Variants in ARL15 observed in about 807,000 individuals in gnomAD.
ARL15 encodes the protein ARF like GTPase 15.
ARL15 carries 19 observed loss-of-function variants against 25.2 expected under a neutral mutation model. The observed-to-expected ratio is 0.75, with a 90% CI of 0.53 to 1.10. ARL15 has a LOEUF of 1.10. ARL15 is among the 50% of genes least tolerant of loss of function. ARL15 has a pLI of 0.00. For missense variants in ARL15, 220 were observed against 246.0 expected (o/e 0.89, Z 0.71); for synonymous variants, 94 against 86.8 (o/e 1.08, Z -0.46).
chr5:54,240,764 G>A (rs564848804), intron 1 of ARL15, among the ~76,000 whole-genome samples: 3 of 152,198 alleles, frequency 2.0e-5, no homozygotes, highest in South Asian at 4.1e-4. Flanking sequence ...ACAAAGCTCC[G>A]AAATCCACAA....
chr5:53,907,476 ATATATATATATATTT>A (rs1745288427), intron 4 of ARL15, among the ~76,000 whole-genome samples: 1 of 25,130 alleles, frequency 4.0e-5, no homozygotes, highest in Non-Finnish European at 7.6e-5. Flanking sequence ...ATATATATAT[ATATATATATATATTT>A]TTTTTTTTTT....
chr5:54,135,761 G>T (rs1753583752), intron 3 of ARL15, among the ~76,000 whole-genome samples: 1 of 152,204 alleles, frequency 6.6e-6, no homozygotes, highest in South Asian at 2.1e-4. Context: ...CCTATTTGGT[G>T]TAACAGGTTT....
intron 4 of ARL15, among the ~76,000 whole-genome samples, chr5:54,010,070 C>T (rs897095220): frequency 1.3e-5 from 2 of 152,114 alleles, no homozygotes; most frequent in African/African-American, 2.4e-5. Context: ...TGTTTTGAAG[C>T]GATTTGCATT....
At chr5:54,268,758 A>G (rs1362646814) in intron 1 of ARL15, among the ~76,000 whole-genome samples, 1 of 152,216 alleles carries the variant, frequency 6.6e-6, no homozygotes, top group East Asian at 1.9e-4. Flanking sequence ...GCTGCTATAA[A>G]GACACATGCA....
At chr5:54,033,664 T>G (rs1221491756) in intron 4 of ARL15, among the ~76,000 whole-genome samples, 1 of 150,298 alleles carries the variant, frequency 6.7e-6, no homozygotes, top group Admixed American at 6.6e-5. Context: ...AGAGCGAGAA[T>G]TCCATCTCAA....
intron 4 of ARL15, among the ~76,000 whole-genome samples, chr5:54,048,696 G>A (rs937297169): frequency 6.6e-6 from 1 of 151,360 alleles, no homozygotes; most frequent in East Asian, 1.9e-4. Flanking sequence ...GAGCCACTGG[G>A]CCCAGCCAAA....
intron 4 of ARL15, chr5:54,067,281 T>G (rs1011792346): frequency 6.6e-6 from 1 of 152,506 alleles, no homozygotes; most frequent in Non-Finnish European, 1.5e-5. Context: ...TTTTTTTCAG[T>G]ATCTGCATCA....
At chr5:54,117,996 C>T (rs1752958348) in intron 3 of ARL15, among the ~76,000 whole-genome samples, 1 of 152,176 alleles carries the variant, frequency 6.6e-6, no homozygotes. Flanking sequence ...GGAAGCTCTA[C>T]ACTACTCAGT....
intron 4 of ARL15, among the ~76,000 whole-genome samples, chr5:53,942,401 G>A (rs965848747): frequency 6.6e-6 from 1 of 152,154 alleles, no homozygotes. Flanking sequence ...GCTTTGGCTA[G>A]AGATTTAAAT....
At chr5:54,296,897 T>C (rs1758479413) in intron 1 of ARL15, among the ~76,000 whole-genome samples, 1 of 152,158 alleles carries the variant, frequency 6.6e-6, no homozygotes, top group Non-Finnish European at 1.5e-5. Context: ...CCACCACCAC[T>C]GTGGCAGAGG....
intron 1 of ARL15, among the ~76,000 whole-genome samples, chr5:54,193,740 TCCAGAAC>T: frequency 6.9e-6 from 1 of 145,490 alleles, no homozygotes; most frequent in Non-Finnish European, 1.5e-5. Flanking sequence ...TTTTTTTTTT[TCCAGAAC>T]TGTAACTACT....
chr5:54,122,083 G>GA (rs941176541), intron 3 of ARL15, among the ~76,000 whole-genome samples: 6 of 152,182 alleles, frequency 3.9e-5, no homozygotes, highest in African/African-American at 1.2e-4. Context: ...TAATTCCTGA[G>GA]AAAACCAATG....
chr5:53,938,016 C>G (rs1006910001), intron 4 of ARL15, among the ~76,000 whole-genome samples: 1 of 152,162 alleles, frequency 6.6e-6, no homozygotes, highest in Non-Finnish European at 1.5e-5. Flanking sequence ...GTAGAAATAA[C>G]AGCGTTCATT....
intron 4 of ARL15, among the ~76,000 whole-genome samples, chr5:54,097,249 G>A (rs184775058): frequency 0.011 from 1,743 of 152,200 alleles, 15 homozygotes; most frequent in Non-Finnish European, 0.017. Flanking sequence ...GCTGGGAGGC[G>A]GAGGCTGCAG....
chr5:54,136,860 T>C (rs1211614067), intron 3 of ARL15, among the ~76,000 whole-genome samples: 1 of 151,568 alleles, frequency 6.6e-6, no homozygotes, highest in African/African-American at 2.4e-5. Flanking sequence ...GACAGGACAG[T>C]CTGCCTGGGT....
At chr5:54,146,490 A>T (rs1457157553) in intron 3 of ARL15, among the ~76,000 whole-genome samples, 1 of 152,198 alleles carries the variant, frequency 6.6e-6, no homozygotes, top group Non-Finnish European at 1.5e-5. Flanking sequence ...TTAGAGGAAA[A>T]TACTGGTCTC....
intron 1 of ARL15, among the ~76,000 whole-genome samples, chr5:54,223,354 T>G (rs1756432504): frequency 6.6e-6 from 1 of 152,212 alleles, no homozygotes; most frequent in African/African-American, 2.4e-5. Context: ...AGAACTAAAA[T>G]TCTTTATTAA....
intron 4 of ARL15, among the ~76,000 whole-genome samples, chr5:54,058,296 G>A (rs1348628139): frequency 6.6e-6 from 1 of 152,082 alleles, no homozygotes; most frequent in Non-Finnish European, 1.5e-5. Context: ...GTGAGCCACC[G>A]TGCCTTGCCA....
At chr5:54,186,484 T>C (rs1755243879) in intron 1 of ARL15, among the ~76,000 whole-genome samples, 1 of 152,202 alleles carries the variant, frequency 6.6e-6, no homozygotes, top group Non-Finnish European at 1.5e-5. Context: ...AAGAGGCACT[T>C]TCTGACTACT....
Sources: allele counts gnomAD v4.1 joint callset (sites outside exome capture counted in the v4.1 genomes callset), GRCh38; gene constraint gnomAD v4.1.1; transcripts MANE v1.5; gene names NCBI Gene and HGNC (gene_info 2026-07-23, HGNC 2026-07-21).